The following ZNF12 variants were observed in gnomAD, a reference collection of about 807,000 sequenced individuals.
The protein encoded by ZNF12 is zinc finger protein 12.
A neutral mutation model predicts 66.6 loss-of-function variants in ZNF12; 34 were observed. That is an observed-to-expected ratio of 0.51 (90% CI 0.39 to 0.68). ZNF12 has a LOEUF of 0.68. Ranked by LOEUF, ZNF12 falls within the 30% of genes least tolerant of loss-of-function variation. ZNF12 has a pLI of 0.00. For synonymous variants in ZNF12, 320 were observed against 278.9 expected, an observed-to-expected ratio of 1.15 and a Z score of -1.47; for missense variants, 697 against 826.9, an observed-to-expected ratio of 0.84 and a Z score of 1.93.
In ZNF12 at chr7:6,691,380, T is replaced by C. The variant is rs1211218229; in HGVS notation, c.1562A>G (p.Tyr521Cys). Residue 521 changes from tyrosine (Y) to cysteine (C), a missense_variant, in exon 5 of 5, where the codon TAT (tyrosine) becomes TGT (cysteine). Tyr to Cys is a radical substitution (Grantham distance 194). This residue lies in a region of ZNF12 where 401 missense variants were observed against 519.0 expected (regional missense o/e 0.77). Transcript: ENST00000405858. ...HHRTHSGVKP[Y>C]ECSECGKTFY... is the part of the protein sequence containing the mutation. The stretch of plus-strand genomic sequence containing the variant: ...GGTTTTCCCACATTCACTACATTCA[T>C]AGGGTTTTACTCCTGAATGAGTTCT... The C allele has an allele frequency of 1.2e-6, 2 of 1,613,878 alleles. No individual in the cohort carries two copies. The highest frequency in any genetic ancestry group is 1.7e-6 in the Non-Finnish European group (2 of 1,179,910).
At chr7:6,700,938 T>C (rs556746981) in intron 2 of ZNF12, 1 of 152,164 alleles carries the variant, frequency 6.6e-6, no homozygotes, top group South Asian at 2.1e-4. Flanking sequence ...TCACAATACT[T>C]TGATGGTGCA....
At chr7:6,700,302 T>TACAC (rs780908025) in intron 2 of ZNF12, among the ~76,000 whole-genome samples, 6 of 83,930 alleles carry the variant, frequency 7.1e-5, no homozygotes, top group South Asian at 3.7e-4. Context: ...AAAAAAAAAA[T>TACAC]ATACACACAC....
rs1196024756 is a variant in ZNF12, at chr7:6,705,115, T to C, written c.15+44A>G. The C allele has an allele frequency of 6.2e-7, 1 of 1,607,798 alleles. No individual in the cohort carries two copies. The highest frequency in any genetic ancestry group is 2.2e-5 in the East Asian group (1 of 44,804). ...CCCTTAATCTCCTCCTAAGGTGTAT[T>C]GTAAATCAGAGTAGAGAATAAATAC... is the stretch of plus-strand genomic sequence containing the variant. On this transcript the variant is annotated intron_variant, in intron 2 of 4. Coordinates refer to ENST00000405858, the MANE Select transcript of ZNF12 (RefSeq NM_016265.4). This position sits in a 1 kb window ranked among gnomAD's most constrained non-coding sequence, Gnocchi z 4.0.
Position 6,692,634 on chromosome 7 carries a change from G to C in ZNF12, c.308C>G (p.Thr103Ser). 6.2e-7 allele frequency: 1 copy of C among 1,612,556 alleles called. No individual in the cohort carries two copies. The highest frequency in any genetic ancestry group is 8.5e-7 in the Non-Finnish European group (1 of 1,179,494). ...QEEENKPSRQTVFIETLIEER... is the reference protein window; with the variant it reads ...QEEENKPSRQSVFIETLIEER... ...TTCAATCAGGGTCTCAATGAACACA[G>C]TTTGCCTTGAAGGTTTATTTTCCTC... Residue 103 changes from threonine to serine, a missense_variant, in exon 5 of 5, where the codon ACT becomes AGT. By Grantham distance (58) the Thr-to-Ser change is moderately conservative. Coordinates refer to ENST00000405858, the MANE Select transcript of ZNF12 (RefSeq NM_016265.4). This position sits in a 1 kb window ranked among gnomAD's most constrained non-coding sequence, Gnocchi z 5.1.
chr7:6,694,399 G>T (rs1452406049), intron 4 of ZNF12, among the ~76,000 whole-genome samples: 1 of 152,100 alleles, frequency 6.6e-6, no homozygotes, highest in Non-Finnish European at 1.5e-5. Flanking sequence ...AAATCTGAGA[G>T]ACAATACTTT....
intron 2 of ZNF12, among the ~76,000 whole-genome samples, chr7:6,704,632 C>T (rs1432331701): frequency 6.9e-6 from 1 of 145,070 alleles, no homozygotes; most frequent in African/African-American, 2.6e-5. Context: ...CCCAGCTACT[C>T]CAGAGGCTGA....
intron 2 of ZNF12, among the ~76,000 whole-genome samples, chr7:6,702,889 C>CCA (rs1780277882): frequency 9.1e-6 from 1 of 109,844 alleles, no homozygotes; most frequent in African/African-American, 3.6e-5. Context: ...GTCTCAAACT[C>CCA]TACACACACA....
chr7:6,695,293 A>C (rs377347704), intron 4 of ZNF12, among the ~76,000 whole-genome samples: 3 of 152,362 alleles, frequency 2.0e-5, no homozygotes, highest in African/African-American at 7.2e-5. Context: ...CCTCTGAATA[A>C]AAATCAGAGA....
rs1037249800 is a variant in ZNF12 at position 6,688,887 on chromosome 7, T to C, written c.*1961A>G. 3.3e-5 allele frequency: 5 copies of C among 152,664 alleles called. No individual in the cohort carries two copies. 9.5% of individuals were successfully genotyped at this position (152,664 alleles called of 1,614,324 possible). A position where few individuals can be genotyped will look rare whatever the true frequency, so the allele number is the denominator to read the frequency against. On this transcript the variant is annotated 3_prime_UTR_variant, in exon 5 of 5. Transcript: ENST00000405858. The surrounding 1 kb of genome is among the most constrained non-coding windows in gnomAD (Gnocchi z 4.3). ...AGAAAAAAGGAGGTATGCCTAACAT[T>C]GTGTCACGTTCCAAAGGTGAATTTT...
rs779762369 is a variant in ZNF12 at position 6,692,091 on chromosome 7, A to C, written c.851T>G (p.Phe284Cys). The change falls in exon 5 of 5, where the codon TTT becomes TGT. Residue 284 changes from phenylalanine (F) to cysteine (C), a missense_variant. Phe to Cys is a radical substitution (Grantham distance 205). This residue lies in a region of ZNF12 where 401 missense variants were observed against 519.0 expected (regional missense o/e 0.77). Coordinates refer to ENST00000405858, the MANE Select transcript of ZNF12 (RefSeq NM_016265.4). This position sits in a 1 kb window ranked among gnomAD's most constrained non-coding sequence, Gnocchi z 5.1. ...CGKSFCKKSK[F>C]IIHQRTHTGE... ...TGTGTGAGTCCTCTGATGTATAATA[A>C]ATTTTGACTTTTTACAGAAGGATTT... is the stretch of plus-strand genomic sequence containing the variant. 1.2e-6 allele frequency: 2 copies of C among 1,614,030 alleles called. No homozygotes were observed. The highest frequency in any genetic ancestry group is 1.7e-6 in the Non-Finnish European group (2 of 1,179,978).
intron 4 of ZNF12, among the ~76,000 whole-genome samples, chr7:6,694,357 C>T (rs941858984): frequency 6.6e-6 from 1 of 152,164 alleles, no homozygotes; most frequent in Non-Finnish European, 1.5e-5. Flanking sequence ...CCTGAACCCA[C>T]TGCCAAAATA....
Position 6,696,098 on chromosome 7 carries a change from CGAT to C in ZNF12, c.238+1238_238+1240del, listed in dbSNP as rs796072669. 8.5e-5 allele frequency among the ~76,000 whole-genome samples: 13 copies of C among 152,198 alleles called. No homozygotes were observed. Among genetic ancestry groups the C allele is most frequent in the African/African-American group, 3.1e-4 (13 of 41,510 alleles). ...CTATAGGCTTATCTTGTGAGGCTAGCGATGATATCAACTGGAAACTTTAGATGA... is the reference window on the plus strand; with the variant it reads ...CTATAGGCTTATCTTGTGAGGCTAGCGATATCAACTGGAAACTTTAGATGA... On this transcript the variant is annotated intron_variant, in intron 4 of 4. Transcript: ENST00000405858. The surrounding 1 kb of genome is among the most constrained non-coding windows in gnomAD (Gnocchi z 4.0).
chr7:6,699,951 T>G (rs938566570), intron 2 of ZNF12, among the ~76,000 whole-genome samples: 1 of 152,116 alleles, frequency 6.6e-6, no homozygotes, highest in East Asian at 1.9e-4. Flanking sequence ...GATTTTTTTT[T>G]AAATCTCTAT....
rs2075858385 is a variant in ZNF12 at position 6,688,852 on chromosome 7, T to C, written c.*1996A>G. ...ATAAATTACCTCCAACAAAATGTAT[T>C]CCATGTATTAGAAAAAAGGAGGTAT... On this transcript the variant is annotated 3_prime_UTR_variant, in exon 5 of 5. Coordinates refer to ENST00000405858, the MANE Select transcript of ZNF12 (RefSeq NM_016265.4). The surrounding 1 kb of genome is among the most constrained non-coding windows in gnomAD (Gnocchi z 4.3). The C allele has an allele frequency of 1.3e-5, 2 of 152,654 alleles. No homozygotes were observed. The highest frequency in any genetic ancestry group is 4.8e-5 in the African/African-American group (2 of 41,458). The allele number at this position is 152,654 out of a possible 1,614,324, so 9.5% of individuals were successfully genotyped here.
intron 2 of ZNF12, among the ~76,000 whole-genome samples, chr7:6,699,162 G>A (rs1035065045): frequency 1.6e-4 from 24 of 152,192 alleles, no homozygotes; most frequent in Admixed American, 1.2e-3. Context: ...AGGCTGAGAT[G>A]ATTTCAAGAA....
chr7:6,691,101 A>C lies in ZNF12; in HGVS notation c.1841T>G (p.Phe614Cys). 3 of 1,614,082 alleles carry C rather than the reference A, an allele frequency of 1.9e-6. No homozygotes were observed. Among genetic ancestry groups the C allele is most frequent in the Non-Finnish European group, 2.5e-6 (3 of 1,179,988 alleles). The change falls in exon 5 of 5, where the codon TTC becomes TGC. Residue 614 changes from phenylalanine (F) to cysteine (C), a missense_variant. Physicochemically the swap from Phe to Cys is radical, Grantham distance 205. This residue lies in a region of ZNF12 where 401 missense variants were observed against 519.0 expected (regional missense o/e 0.77). Coordinates refer to ENST00000405858, the MANE Select transcript of ZNF12 (RefSeq NM_016265.4). The part of the protein sequence containing the change: ...AYECYECGKC[F>C]SQMSYLTIHH... ...TATAGTGAGATAGGACATCTGAGAGAAGCACTTCCCACATTCATAACATTC... is the reference window on the plus strand; with the variant it reads ...TATAGTGAGATAGGACATCTGAGAGCAGCACTTCCCACATTCATAACATTC...
At chr7:6,700,177 C>T (rs1358095341) in intron 2 of ZNF12, among the ~76,000 whole-genome samples, 14 of 151,454 alleles carry the variant, frequency 9.2e-5, no homozygotes, top group African/African-American at 2.7e-4. Flanking sequence ...CCCAGCTACT[C>T]GGGAGGCTGA....
At chr7:6,704,926 A>T (rs1398240638) in intron 2 of ZNF12, among the ~76,000 whole-genome samples, 1 of 152,098 alleles carries the variant, frequency 6.6e-6, no homozygotes. Context: ...ATTTTTTGTG[A>T]TAAATGCCAA....
At chr7:6,699,930 A>G (rs571785714) in intron 2 of ZNF12, among the ~76,000 whole-genome samples, 3 of 152,210 alleles carry the variant, frequency 2.0e-5, no homozygotes, top group African/African-American at 7.2e-5. Flanking sequence ...TAAAATCTCT[A>G]TTTTATTTTC....
Sources: allele counts gnomAD v4.1 joint callset (sites outside exome capture counted in the v4.1 genomes callset), GRCh38; gene constraint gnomAD v4.1.1; regional missense constraint gnomAD v4.1.1; non-coding constraint Gnocchi (gnomAD v3.1); transcripts MANE v1.5; gene names NCBI Gene and HGNC (gene_info 2026-07-23, HGNC 2026-07-21).